Variants in CSGALNACT1 observed in about 807,000 individuals in gnomAD.
The protein encoded by CSGALNACT1 is chondroitin sulfate N-acetylgalactosaminyltransferase 1, also known as beta4GalNAcT-1.
Under a neutral mutation model 51.0 loss-of-function variants are expected in CSGALNACT1, and 52 were observed. The ratio of observed to expected loss-of-function variants is 1.02; its 90% CI spans 0.82 to 1.29. The LOEUF is 1.29. Ranked by LOEUF, CSGALNACT1 falls within the 50% of genes most tolerant of loss-of-function variation. CSGALNACT1 has a pLI of 0.00. For missense variants in CSGALNACT1, 935 were observed against 679.2 expected, an observed-to-expected ratio of 1.38 and a Z score of -4.19; for synonymous variants, 341 against 254.4, an observed-to-expected ratio of 1.34 and a Z score of -3.24.
intron 1 of CSGALNACT1, among the ~76,000 whole-genome samples, chr8:19,739,273 G>A (rs970754037): frequency 6.6e-6 from 1 of 151,854 alleles, no homozygotes; most frequent in African/African-American, 2.4e-5. Context: ...AAAATAGAAC[G>A]TTCAAGTCAA....
intron 1 of CSGALNACT1, among the ~76,000 whole-genome samples, chr8:19,666,975 GAAAGAAAGAA>G (rs1564385214): frequency 1.8e-4 from 2 of 11,058 alleles, no homozygotes; most frequent in African/African-American, 7.7e-4. Context: ...AAGAAAGAAA[GAAAGAAAGAA>G]AGAAAGAAAG....
intron 6 of CSGALNACT1, 32 bp from the exon 6 acceptor site, chr8:19,420,550 A>G (rs1316938941): frequency 2.5e-6 from 4 of 1,607,342 alleles, no homozygotes; most frequent in East Asian, 4.5e-5. Flanking sequence ...TGTCACTCAC[A>G]TTCCCACATG....
intron 1 of CSGALNACT1, among the ~76,000 whole-genome samples, chr8:19,702,123 A>G (rs1044397594): frequency 6.6e-6 from 1 of 152,070 alleles, no homozygotes; most frequent in African/African-American, 2.4e-5. Flanking sequence ...CTTGTTTCTG[A>G]TCCCTCCTCT....
chr8:19,747,139 G>A (rs1203020523), intron 1 of CSGALNACT1, among the ~76,000 whole-genome samples: 1 of 152,122 alleles, frequency 6.6e-6, no homozygotes, highest in Non-Finnish European at 1.5e-5. Context: ...GTTACCCTCT[G>A]TGCACCAGTA....
At chr8:19,542,084 G>A (rs1044848990) in intron 3 of CSGALNACT1, among the ~76,000 whole-genome samples, 4 of 152,056 alleles carry the variant, frequency 2.6e-5, no homozygotes, top group Admixed American at 2.6e-4. Flanking sequence ...GTTCTTGATG[G>A]AAGCAAAAAG....
rs188905294 is a variant in CSGALNACT1 at position 19,694,501 on chromosome 8, C to A, written c.-297+63349G>T. Among the ~76,000 whole-genome samples the A allele has an allele frequency of 3.2e-3, 480 of 152,300 alleles. 2 individuals are homozygous for A. The highest frequency in any genetic ancestry group is 0.011 in the African/African-American group (442 of 41,548). On this transcript the variant is annotated intron_variant, in intron 1 of 1. Transcript: ENST00000517494. ...AGAGAAAATTGCACATAATGAAGAT[C>A]GCAGTGTTGCTGACTTAGGATTGGA...
intron 1 of CSGALNACT1, among the ~76,000 whole-genome samples, chr8:19,656,350 C>T (rs2154187428): frequency 6.6e-6 from 1 of 152,224 alleles, no homozygotes; most frequent in South Asian, 2.1e-4. Flanking sequence ...GTCCAATTCA[C>T]CATTTTTATA....
chr8:19,440,519 C>A (rs1473703684), intron 5 of CSGALNACT1, among the ~76,000 whole-genome samples: 2 of 151,612 alleles, frequency 1.3e-5, no homozygotes, highest in East Asian at 1.9e-4. Context: ...ATTCAACAAC[C>A]CTTCATGCTA....
chr8:19,561,830 G>T (rs969984056), intron 3 of CSGALNACT1, among the ~76,000 whole-genome samples: 2 of 152,214 alleles, frequency 1.3e-5, no homozygotes, highest in African/African-American at 4.8e-5. Context: ...AGGGAGAAGA[G>T]GAGAAGTCAG....
chr8:19,411,457 C>G (rs988576936), intron 8 of CSGALNACT1, among the ~76,000 whole-genome samples: 5 of 152,178 alleles, frequency 3.3e-5, no homozygotes, highest in African/African-American at 1.2e-4. Flanking sequence ...ATGAATGAAC[C>G]AAGAGCCGTC....
chr8:19,545,714 G>C (rs976588589), intron 3 of CSGALNACT1, among the ~76,000 whole-genome samples: 1 of 151,640 alleles, frequency 6.6e-6, no homozygotes, highest in Non-Finnish European at 1.5e-5. Context: ...TTCCTCCCAA[G>C]TCTCCAGGCA....
intron 1 of CSGALNACT1, among the ~76,000 whole-genome samples, chr8:19,623,583 G>C (rs1447161768): frequency 1.3e-5 from 2 of 152,172 alleles, no homozygotes; most frequent in East Asian, 1.9e-4. Context: ...TTAACTACAT[G>C]CTGGGCCAGA....
chr8:19,664,226 A>C (rs2058997487), intron 1 of CSGALNACT1, among the ~76,000 whole-genome samples: 1 of 152,226 alleles, frequency 6.6e-6, no homozygotes, highest in Admixed American at 6.5e-5. Context: ...TTGAGACATT[A>C]CTAGTTTTAC....
At chr8:19,728,204 C>A (rs1245820636) in intron 1 of CSGALNACT1, among the ~76,000 whole-genome samples, 2 of 152,050 alleles carry the variant, frequency 1.3e-5, no homozygotes, top group Admixed American at 6.5e-5. Context: ...TAAGAAAATT[C>A]TTCTATGTAA....
intron 3 of CSGALNACT1, among the ~76,000 whole-genome samples, chr8:19,574,872 T>C (rs939067633): frequency 3.3e-5 from 5 of 152,074 alleles, no homozygotes; most frequent in Admixed American, 3.3e-4. Flanking sequence ...CCGTCTCTAC[T>C]AAAAACACAA....
At chr8:19,532,092 T>C (rs984497750) in intron 3 of CSGALNACT1, 1 of 152,166 alleles carries the variant, frequency 6.6e-6, no homozygotes, top group Non-Finnish European at 1.5e-5. Context: ...CTAGGCTCTG[T>C]TGGTCTTGGC....
intron 1 of CSGALNACT1, among the ~76,000 whole-genome samples, chr8:19,634,291 T>C (rs1318936100): frequency 1.3e-5 from 2 of 152,074 alleles, no homozygotes; most frequent in African/African-American, 2.4e-5. Context: ...TATTTGAAAA[T>C]GGGGCCTTTG....
intron 8 of CSGALNACT1, among the ~76,000 whole-genome samples, chr8:19,409,037 C>T (rs894868706): frequency 1.3e-5 from 2 of 151,714 alleles, no homozygotes; most frequent in African/African-American, 2.4e-5. Context: ...AAGCCACCTA[C>T]GTGCCTGGCC....
intron 1 of CSGALNACT1, among the ~76,000 whole-genome samples, chr8:19,625,189 G>A (rs986370430): frequency 6.6e-6 from 1 of 152,188 alleles, no homozygotes; most frequent in African/African-American, 2.4e-5. Context: ...TGACCAGGAG[G>A]GACGTGGGGT....
Sources: allele counts gnomAD v4.1 joint callset (sites outside exome capture counted in the v4.1 genomes callset), GRCh38; gene constraint gnomAD v4.1.1; transcripts MANE v1.5; gene names NCBI Gene and HGNC (gene_info 2026-07-23, HGNC 2026-07-21).